The following ADAMTS19 variants were observed in gnomAD, a reference collection of about 807,000 sequenced individuals.
The protein encoded by ADAMTS19 is ADAM metallopeptidase with thrombospondin type 1 motif 19.
A neutral mutation model predicts 153.3 loss-of-function variants in ADAMTS19; 93 were observed. The ratio of observed to expected loss-of-function variants is 0.61; its 90% CI spans 0.51 to 0.72. ADAMTS19 has a LOEUF of 0.72. ADAMTS19 is among the 30% of genes least tolerant of loss of function. The probability of loss-of-function intolerance (pLI) is 0.00; values close to 1 mark genes in which losing one functional copy is unlikely to be tolerated. For synonymous variants in ADAMTS19, 600 were observed against 556.6 expected, an observed-to-expected ratio of 1.08 and a Z score of -1.10; for missense variants, 1,482 against 1,552.1, an observed-to-expected ratio of 0.95 and a Z score of 0.76.
intron 10 of ADAMTS19, among the ~76,000 whole-genome samples, chr5:129,624,741 T>A (rs1751945769): frequency 6.6e-6 from 1 of 152,216 alleles, no homozygotes; most frequent in Non-Finnish European, 1.5e-5. Context: ...TCACATGCAA[T>A]TAAATTTTGC....
intron 21 of ADAMTS19, among the ~76,000 whole-genome samples, chr5:129,717,208 T>C (rs1017899102): frequency 6.6e-6 from 1 of 152,104 alleles, no homozygotes; most frequent in African/African-American, 2.4e-5. Context: ...TTTACCCTTC[T>C]CAAAAATATC....
At chr5:129,729,364 G>A (rs1757339988) in intron 21 of ADAMTS19, among the ~76,000 whole-genome samples, 1 of 151,626 alleles carries the variant, frequency 6.6e-6, no homozygotes, top group Admixed American at 6.6e-5. Context: ...GATTTCAATT[G>A]TTCTATTTTG....
chr5:129,693,272 A>T (rs1255359202), intron 18 of ADAMTS19, among the ~76,000 whole-genome samples: 1 of 152,160 alleles, frequency 6.6e-6, no homozygotes, highest in East Asian at 1.9e-4. Flanking sequence ...AAAATTATTC[A>T]AACTGCCTCT....
chr5:129,593,074 G>T (rs1017266934), intron 7 of ADAMTS19, among the ~76,000 whole-genome samples: 1 of 151,990 alleles, frequency 6.6e-6, no homozygotes, highest in African/African-American at 2.4e-5. Flanking sequence ...GTGTTTATGG[G>T]TTTCCATAAT....
intron 17 of ADAMTS19, among the ~76,000 whole-genome samples, chr5:129,683,822 G>T (rs1333360943): frequency 6.7e-6 from 1 of 149,566 alleles, no homozygotes; most frequent in Non-Finnish European, 1.5e-5. Flanking sequence ...CCATCAAATT[G>T]AAAGAAAATG....
chr5:129,668,269 C>G (rs919599511), intron 16 of ADAMTS19, among the ~76,000 whole-genome samples: 2 of 152,180 alleles, frequency 1.3e-5, no homozygotes, highest in African/African-American at 4.8e-5. Flanking sequence ...GATAATCTCC[C>G]ATCTCAAGAT....
At chr5:129,576,625 T>C (rs1021129942) in intron 7 of ADAMTS19, among the ~76,000 whole-genome samples, 74 of 151,640 alleles carry the variant, frequency 4.9e-4, no homozygotes, top group African/African-American at 1.7e-3. Context: ...TTTTTCCAAA[T>C]AGCCCCTCCT....
At chr5:129,494,548 A>G (rs373094926) in intron 2 of ADAMTS19, among the ~76,000 whole-genome samples, 36 of 152,270 alleles carry the variant, frequency 2.4e-4, no homozygotes, top group African/African-American at 8.4e-4. Flanking sequence ...CAATGACTTC[A>G]AAACATATAA....
Position 129,620,648 on chromosome 5 carries a change from A to C in ADAMTS19, c.1509A>C (p.Pro503=). ...NMGINHDNDH[P]SCADGLHIMS... is the part of the protein sequence containing the mutation. Reference sequence around the variant, plus strand: ...GCATTAACCATGACAATGACCACCCATCGTGTGCTGATGGTCTTCATATCA... The same window carrying C: ...GCATTAACCATGACAATGACCACCCCTCGTGTGCTGATGGTCTTCATATCA... The change falls in exon 9 of 23, where the codon CCA becomes CCC. Residue 503 remains proline (P), a synonymous_variant. Transcript: ENST00000274487. 1 of 1,611,494 alleles carries C rather than the reference A, an allele frequency of 6.2e-7. No homozygotes were observed. Among genetic ancestry groups the C allele is most frequent in the Non-Finnish European group, 8.5e-7 (1 of 1,178,454 alleles).
intron 2 of ADAMTS19, among the ~76,000 whole-genome samples, chr5:129,473,996 A>C (rs1750145882): frequency 6.6e-6 from 1 of 152,164 alleles, no homozygotes; most frequent in African/African-American, 2.4e-5. Context: ...AGAATTGTGC[A>C]ACCATCACAA....
rs773694317 is a variant in ADAMTS19 at position 129,622,322 on chromosome 5, T to C, written c.1744T>C (p.Leu582=). The C allele has an allele frequency of 1.9e-6, 3 of 1,613,916 alleles. No homozygotes were observed. Among genetic ancestry groups the C allele is most frequent in the Non-Finnish European group, 2.5e-6 (3 of 1,179,966 alleles). ...DEQCQILFGP[L]ASFCQEMQHV... is the part of the protein sequence containing the mutation. ...ACAATGCCAGATCCTTTTTGGGCCA[T>C]TGGCTTCTTTTTGTCAGGAGATGCA... is the stretch of plus-strand genomic sequence containing the variant. Residue 582 remains leucine (L), a synonymous_variant, in exon 10 of 23, where the codon TTG becomes CTG. Transcript: ENST00000274487.
chr5:129,465,983 T>G (rs1343262328), intron 2 of ADAMTS19, among the ~76,000 whole-genome samples: 2 of 152,152 alleles, frequency 1.3e-5, no homozygotes, highest in East Asian at 3.9e-4. Flanking sequence ...ATGCCAGAAG[T>G]GCCGCTGTAC....
intron 7 of ADAMTS19, among the ~76,000 whole-genome samples, chr5:129,561,801 G>A (rs1581087263): frequency 6.6e-6 from 1 of 151,040 alleles, no homozygotes; most frequent in East Asian, 2.0e-4. Flanking sequence ...TCTTCTAAAT[G>A]TTGACACATT....
At chr5:129,615,432 C>A (rs1751469426) in intron 8 of ADAMTS19, among the ~76,000 whole-genome samples, 1 of 151,880 alleles carries the variant, frequency 6.6e-6, no homozygotes, top group Admixed American at 6.6e-5. Flanking sequence ...TATCAAAATG[C>A]CATTTCTTAG....
chr5:129,732,923 G>T lies in ADAMTS19; in HGVS notation c.3313-2009G>T, dbSNP rs1757503071. The stretch of plus-strand genomic sequence containing the variant: ...CCTGACTTTATGCTACAAGGCTATA[G>T]TAACGAAAATAGCATGGTACTGGTA... On this transcript the variant is annotated intron_variant, in intron 21 of 22. Coordinates refer to ENST00000274487, the MANE Select transcript of ADAMTS19 (RefSeq NM_133638.6). Among the ~76,000 whole-genome samples the T allele has an allele frequency of 4.6e-5, 7 of 152,062 alleles. 1 individual carries two copies. The South Asian group carries it at 1.4e-3, about 31-fold the overall frequency.
chr5:129,593,234 G>T (rs957315343), intron 7 of ADAMTS19, among the ~76,000 whole-genome samples: 1 of 152,110 alleles, frequency 6.6e-6, no homozygotes, highest in Non-Finnish European at 1.5e-5. Flanking sequence ...GCATCTTAAA[G>T]CTGTGATTGA....
At chr5:129,710,234 G>A (rs569701059) in intron 21 of ADAMTS19, among the ~76,000 whole-genome samples, 1 of 152,084 alleles carries the variant, frequency 6.6e-6, no homozygotes, top group Non-Finnish European at 1.5e-5. Flanking sequence ...TTGCTTTTCT[G>A]TTCCTGTGTC....
chr5:129,570,141 A>T (rs1753845223), intron 7 of ADAMTS19, among the ~76,000 whole-genome samples: 1 of 151,924 alleles, frequency 6.6e-6, no homozygotes, highest in Non-Finnish European at 1.5e-5. Context: ...GTGGAAACAA[A>T]TTTTTTTGTG....
chr5:129,491,820 T>C lies in ADAMTS19; in HGVS notation c.748-17257T>C, dbSNP rs546227370. Among the ~76,000 whole-genome samples, 3 of 152,266 alleles carry C rather than the reference T, an allele frequency of 2.0e-5. No homozygotes were observed. In the East Asian group the frequency reaches 5.8e-4, roughly 29 times the overall value. ...TGCTGAGGTTCAATAAAAAGCAAATTACAGAGTGATACATAGATTATGTTA... is the reference window on the plus strand; with the variant it reads ...TGCTGAGGTTCAATAAAAAGCAAATCACAGAGTGATACATAGATTATGTTA... On this transcript the variant is annotated intron_variant, in intron 2 of 22. Transcript: ENST00000274487.
Sources: gnomAD v4.1 joint callset for allele counts (sites outside exome capture counted in the v4.1 genomes callset) on GRCh38, gnomAD v4.1.1 for gene constraint, MANE v1.5 for transcripts, NCBI Gene and HGNC (gene_info 2026-07-23, HGNC 2026-07-21) for gene names.